COX7B2: variants seen among roughly 807,000 people sequenced by gnomAD.
The protein encoded by COX7B2 is cytochrome c oxidase subunit 7B2.
For missense variants in COX7B2, 109 were observed against 95.9 expected (o/e 1.14, Z -0.57); for synonymous variants, 37 against 32.1 (o/e 1.15, Z -0.51).
intron 2 of COX7B2, among the ~76,000 whole-genome samples, chr4:46,785,375 ATT>A (rs879697478): frequency 9.1e-5 from 13 of 143,550 alleles, no homozygotes; most frequent in Admixed American, 1.4e-4. Flanking sequence ...TGATAGAGCA[ATT>A]TTTTTTTTTT....
intron 1 of COX7B2, among the ~76,000 whole-genome samples, chr4:46,856,788 A>G (rs1224997086): frequency 2.6e-5 from 4 of 152,154 alleles, no homozygotes; most frequent in Non-Finnish European, 5.9e-5. Context: ...ATTAAGATAA[A>G]TTTTATTTTT....
chr4:46,848,564 A>G (rs1716447459), intron 1 of COX7B2, among the ~76,000 whole-genome samples: 1 of 152,094 alleles, frequency 6.6e-6, no homozygotes, highest in Admixed American at 6.6e-5. Context: ...CTATTTTCCC[A>G]TAACTCTTTG....
At chr4:46,791,481 C>G (rs1414784538) in intron 2 of COX7B2, among the ~76,000 whole-genome samples, 1 of 152,180 alleles carries the variant, frequency 6.6e-6, no homozygotes, top group Non-Finnish European at 1.5e-5. Context: ...ACTGGACAAA[C>G]TGGTAAATAA....
At chr4:46,897,865 T>G (rs1251314946) in intron 1 of COX7B2, among the ~76,000 whole-genome samples, 1 of 152,232 alleles carries the variant, frequency 6.6e-6, no homozygotes, top group South Asian at 2.1e-4. Flanking sequence ...CTTCATTTTC[T>G]CTTACCTCAC....
At chr4:46,901,103 T>C (rs1286087773) in intron 1 of COX7B2, among the ~76,000 whole-genome samples, 1 of 152,228 alleles carries the variant, frequency 6.6e-6, no homozygotes, top group Non-Finnish European at 1.5e-5. Flanking sequence ...TGTGATTTCT[T>C]ATTCTGGTTT....
intron 1 of COX7B2, among the ~76,000 whole-genome samples, chr4:46,902,919 C>A (rs192689473): frequency 2.0e-5 from 3 of 151,984 alleles, no homozygotes; most frequent in Non-Finnish European, 4.4e-5. Flanking sequence ...AATTTGTAGT[C>A]ATTCTATAAC....
chr4:46,857,978 A>G (rs1456092255), intron 1 of COX7B2, among the ~76,000 whole-genome samples: 2 of 152,200 alleles, frequency 1.3e-5, no homozygotes, highest in African/African-American at 4.8e-5. Context: ...GTTTTAACTT[A>G]TCATTTTGTT....
intron 1 of COX7B2, chr4:46,903,739 T>C (rs532567948): frequency 6.6e-6 from 1 of 152,326 alleles, no homozygotes; most frequent in Non-Finnish European, 1.5e-5. Context: ...ACCTTCAATA[T>C]TCAGTAAAGT....
intron 2 of COX7B2, among the ~76,000 whole-genome samples, chr4:46,828,340 A>G (rs1714833684): frequency 6.6e-6 from 1 of 152,180 alleles, no homozygotes; most frequent in Non-Finnish European, 1.5e-5. Flanking sequence ...TAAGGCTCAT[A>G]TTCCCTACTA....
chr4:46,864,503 T>C (rs908365524), intron 1 of COX7B2, among the ~76,000 whole-genome samples: 1 of 152,136 alleles, frequency 6.6e-6, no homozygotes, highest in South Asian at 2.1e-4. Context: ...AATATTTTTT[T>C]GTGAAATGAT....
Position 46,869,226 on chromosome 4 carries a change from A to C in COX7B2, c.-104-24212T>G, listed in dbSNP as rs573001951. On this transcript the variant is annotated intron_variant, in intron 1 of 2. Transcript: ENST00000355591. ...TTTCTGTTTTCTGTTTGCTTGGTAGATTTTCCTTCATCCCTTTATTTTGAG... is the reference window on the plus strand; with the variant it reads ...TTTCTGTTTTCTGTTTGCTTGGTAGCTTTTCCTTCATCCCTTTATTTTGAG... Among the ~76,000 whole-genome samples, 67 of 152,086 alleles carry C rather than the reference A, an allele frequency of 4.4e-4. 1 individual carries two copies. In the South Asian group the frequency reaches 0.014, roughly 31 times the overall value.
chr4:46,763,409 C>A (rs1178737554), intron 2 of COX7B2, among the ~76,000 whole-genome samples: 2 of 151,154 alleles, frequency 1.3e-5, no homozygotes, highest in Non-Finnish European at 2.9e-5. Context: ...AATCCTGTTC[C>A]TACCAGTGGT....
In COX7B2 at chr4:46,780,838, C is replaced by T. The variant is rs544839025; in HGVS notation, c.-49-45597G>A. On this transcript the variant is annotated intron_variant, in intron 2 of 2. Transcript: ENST00000355591. ...ACATTTGGCCTTGCTCCATACTCAT[C>T]ATCTCCATAAAATTAATGAATATTA... 1.2e-3 allele frequency among the ~76,000 whole-genome samples: 187 copies of T among 152,312 alleles called. 1 individual carries two copies. The highest frequency in any genetic ancestry group is 4.3e-3 in the African/African-American group (177 of 41,572).
chr4:46,884,075 G>C (rs897097321), intron 1 of COX7B2, among the ~76,000 whole-genome samples: 3 of 150,228 alleles, frequency 2.0e-5, no homozygotes, highest in Non-Finnish European at 2.9e-5. Flanking sequence ...AAGTATTGCT[G>C]TTCCCATTTT....
At chr4:46,759,896 TAA>T (rs971216766) in intron 2 of COX7B2, among the ~76,000 whole-genome samples, 10 of 150,108 alleles carry the variant, frequency 6.7e-5, no homozygotes, top group South Asian at 2.1e-4. Flanking sequence ...ATAAGTTATA[TAA>T]GTCTTATCTT....
intron 2 of COX7B2, among the ~76,000 whole-genome samples, chr4:46,785,314 A>T (rs937226397): frequency 5.9e-5 from 9 of 152,210 alleles, no homozygotes; most frequent in Non-Finnish European, 4.4e-5. Context: ...TTTCATTAAA[A>T]AAAACTCTAT....
rs1042212364 is a variant in COX7B2 at position 46,769,943 on chromosome 4, G to T, written c.-49-34702C>A. Among the ~76,000 whole-genome samples, 5 of 152,262 alleles carry T rather than the reference G, an allele frequency of 3.3e-5. No individual in the cohort carries two copies. In the East Asian group the frequency reaches 7.7e-4, roughly 24 times the overall value. On this transcript the variant is annotated intron_variant, in intron 2 of 2. Coordinates refer to ENST00000355591, the MANE Select transcript of COX7B2 (RefSeq NM_130902.3). ...GCCTTTCCTTTAAGATGAGGAACAA[G>T]ATCAGGATGCCCACTCTTGCCATTT...
intron 2 of COX7B2, among the ~76,000 whole-genome samples, chr4:46,816,927 G>C (rs920151343): frequency 1.3e-5 from 2 of 152,094 alleles, no homozygotes; most frequent in African/African-American, 4.8e-5. Flanking sequence ...TTTTTAAGTG[G>C]GAAGTTAGAT....
chr4:46,781,582 G>C (rs1172741417), intron 2 of COX7B2, among the ~76,000 whole-genome samples: 1 of 152,242 alleles, frequency 6.6e-6, no homozygotes, highest in African/African-American at 2.4e-5. Flanking sequence ...GGCCACGCTT[G>C]AGGAGCCCTT....
Sources: allele counts gnomAD v4.1 joint callset (sites outside exome capture counted in the v4.1 genomes callset), GRCh38; gene constraint gnomAD v4.1.1; transcripts MANE v1.5; gene names NCBI Gene and HGNC (gene_info 2026-07-23, HGNC 2026-07-21).